Variants in LRP1B observed in about 807,000 individuals in gnomAD.
The protein encoded by LRP1B is low-density lipoprotein receptor-related protein 1B.
Under a neutral mutation model 556.6 loss-of-function variants are expected in LRP1B, and 217 were observed. The observed-to-expected ratio is 0.39, with a 90% CI of 0.35 to 0.44. The LOEUF (loss-of-function observed/expected upper bound fraction) is 0.44, where lower values mean the gene tolerates loss of function less well. Among genes scored for constraint, LRP1B ranks in the 20% least tolerant of loss-of-function variants. LRP1B has a pLI of 1.00. For synonymous variants in LRP1B, 2,047 were observed against 1,865.8 expected (o/e 1.10, Z -2.50); for missense variants, 5,053 against 5,620.8 (o/e 0.90, Z 3.23).
chr2:141,529,228 C>T (rs1275785811), intron 2 of LRP1B, among the ~76,000 whole-genome samples: 1 of 152,176 alleles, frequency 6.6e-6, no homozygotes, highest in East Asian at 1.9e-4. Flanking sequence ...TGTGATTAGT[C>T]TAAGCAAGTG....
At chr2:141,796,815 G>A (rs542090257) in intron 2 of LRP1B, among the ~76,000 whole-genome samples, 115 of 151,688 alleles carry the variant, frequency 7.6e-4, no homozygotes, top group African/African-American at 2.1e-3. Flanking sequence ...CCATCTTTGG[G>A]AGGAATTTTT....
chr2:141,282,968 T>C (rs72855099), intron 3 of LRP1B, among the ~76,000 whole-genome samples: 17,537 of 152,082 alleles, frequency 0.12, 1,348 homozygotes, highest in East Asian at 0.23. Flanking sequence ...CATTTGTGGT[T>C]CATTTGTCTC....
intron 10 of LRP1B, among the ~76,000 whole-genome samples, chr2:141,054,203 C>T (rs1339471475): frequency 6.6e-6 from 1 of 151,794 alleles, no homozygotes; most frequent in African/African-American, 2.4e-5. Flanking sequence ...AAGCACATGA[C>T]CAGAGGGTGG....
At chr2:140,716,661 A>C (rs1319247181) in intron 36 of LRP1B, 21 bp downstream of exon 36, 1 of 1,587,912 alleles carries the variant, frequency 6.3e-7, no homozygotes, top group Non-Finnish European at 8.5e-7. Context: ...AAACAGAAAG[A>C]TAAAAAGCCA....
At chr2:141,014,441 A>C (rs144267406) in intron 13 of LRP1B, among the ~76,000 whole-genome samples, 35 of 152,180 alleles carry the variant, frequency 2.3e-4, no homozygotes, top group South Asian at 4.1e-4. Context: ...GTCCAGTTTC[A>C]CATGTAGGAT....
chr2:140,921,961 C>A (rs1040754529), intron 21 of LRP1B, among the ~76,000 whole-genome samples: 6 of 151,842 alleles, frequency 4.0e-5, no homozygotes, highest in Non-Finnish European at 7.4e-5. Context: ...TTATAGGGAG[C>A]AAAAGAAATC....
At chr2:141,969,099 T>G (rs2105071062) in intron 1 of LRP1B, among the ~76,000 whole-genome samples, 1 of 151,182 alleles carries the variant, frequency 6.6e-6, no homozygotes, top group Non-Finnish European at 1.5e-5. Context: ...CTAAACATAT[T>G]CTAGTTGTTT....
Position 140,487,697 on chromosome 2 carries a change from C to A in LRP1B, c.9163G>T (p.Glu3055Ter), listed in dbSNP as rs775283902. 6.3e-7 allele frequency: 1 copy of A among 1,587,410 alleles called. No homozygotes were observed. The highest frequency in any genetic ancestry group is 1.1e-5 in the South Asian group (1 of 89,852). ...VIAIDFDYRE[E>*]FIYWIDSSRP... ...CTAGAATCGATCCAATAGATGAATT[C>A]TTCTCTGTAATCAAAGTCTATAGCA... is the stretch of plus-strand genomic sequence containing the variant. The change falls in exon 58 of 91, where the codon GAA becomes TAA. Residue 3055 changes from glutamate to a stop codon, truncating the protein, a stop_gained. Transcript: ENST00000389484. LOFTEE classifies it high-confidence loss of function.
intron 46 of LRP1B, among the ~76,000 whole-genome samples, 156 bp downstream of exon 46, chr2:140,536,425 T>C (rs1690976167): frequency 6.6e-6 from 1 of 150,616 alleles, no homozygotes; most frequent in Non-Finnish European, 1.5e-5. Context: ...TACCTCATTT[T>C]AACACAAGCA....
intron 43 of LRP1B, among the ~76,000 whole-genome samples, chr2:140,578,726 A>G (rs1338128285): frequency 6.6e-6 from 1 of 152,138 alleles, no homozygotes; most frequent in Non-Finnish European, 1.5e-5. Context: ...TGTACCCTAA[A>G]ACTTAAAGTA....
In LRP1B at chr2:140,450,561, T is replaced by A; in HGVS notation, c.10057+7A>T. 6.3e-7 allele frequency: 1 copy of A among 1,594,940 alleles called. No homozygotes were observed. The highest frequency in any genetic ancestry group is 8.6e-7 in the Non-Finnish European group (1 of 1,164,130). On this transcript the variant is annotated splice_region_variant and intron_variant, in intron 63 of 90. Coordinates refer to ENST00000389484, the MANE Select transcript of LRP1B (RefSeq NM_018557.3). ...TTCTAAATTTCAATATTTGCCAGTATACTCACGACAGTCATCAGGTTCATC... is the reference window on the plus strand; with the variant it reads ...TTCTAAATTTCAATATTTGCCAGTAAACTCACGACAGTCATCAGGTTCATC...
chr2:140,732,468 G>C (rs1282858071), intron 35 of LRP1B, among the ~76,000 whole-genome samples: 3 of 151,994 alleles, frequency 2.0e-5, no homozygotes, highest in African/African-American at 4.8e-5. Context: ...AGAGAAACAG[G>C]CTTTAAAAAA....
At chr2:142,070,141 T>C (rs1448537689) in intron 1 of LRP1B, among the ~76,000 whole-genome samples, 2 of 151,780 alleles carry the variant, frequency 1.3e-5, no homozygotes, top group Non-Finnish European at 2.9e-5. Context: ...AAAACTCTTC[T>C]TTTTCATTTA....
intron 7 of LRP1B, among the ~76,000 whole-genome samples, chr2:141,133,726 T>A (rs1232298143): frequency 1.2e-4 from 18 of 152,030 alleles, no homozygotes; most frequent in Admixed American, 7.2e-4. Flanking sequence ...TTTATATGTA[T>A]GTTGCAACTA....
At chr2:140,985,687 T>G (rs969897664) in intron 17 of LRP1B, among the ~76,000 whole-genome samples, 5 of 151,942 alleles carry the variant, frequency 3.3e-5, no homozygotes, top group African/African-American at 1.2e-4. Flanking sequence ...TCTCCAACCC[T>G]TTCTCTTATT....
chr2:142,039,819 G>GT (rs1211689642), intron 1 of LRP1B, among the ~76,000 whole-genome samples: 3 of 151,462 alleles, frequency 2.0e-5, no homozygotes, highest in African/African-American at 7.3e-5. Context: ...AACATATTTT[G>GT]TATTGAAGTC....
intron 7 of LRP1B, among the ~76,000 whole-genome samples, chr2:141,095,125 C>T (rs1448255161): frequency 6.6e-6 from 1 of 152,044 alleles, no homozygotes; most frequent in Non-Finnish European, 1.5e-5. Flanking sequence ...CAGCAAGAAG[C>T]ACCTCACTAG....
chr2:140,443,215 T>G (rs554929164), intron 65 of LRP1B, among the ~76,000 whole-genome samples: 5 of 151,998 alleles, frequency 3.3e-5, no homozygotes, highest in Non-Finnish European at 7.4e-5. Context: ...CACCTACCAC[T>G]GCGCCCAGCT....
At chr2:141,899,668 C>T (rs184385752) in intron 1 of LRP1B, among the ~76,000 whole-genome samples, 282 of 152,204 alleles carry the variant, frequency 1.9e-3, no homozygotes, top group African/African-American at 6.2e-3. Flanking sequence ...CTTTTCTTTA[C>T]CCTTTCTTGT....
Sources: gnomAD v4.1 joint callset for allele counts (sites outside exome capture counted in the v4.1 genomes callset) on GRCh38, gnomAD v4.1.1 for gene constraint, MANE v1.5 for transcripts, NCBI Gene and HGNC (gene_info 2026-07-23, HGNC 2026-07-21) for gene names.